Variants in ATP2C1 observed in about 807,000 individuals in gnomAD.
The protein encoded by ATP2C1 is calcium-transporting ATPase type 2C member 1.
ATP2C1 carries 31 observed loss-of-function variants against 120.5 expected under a neutral mutation model. The ratio of observed to expected loss-of-function variants is 0.26; its 90% CI spans 0.19 to 0.35. The LOEUF (loss-of-function observed/expected upper bound fraction) is 0.35. ATP2C1 is among the 10% of genes least tolerant of loss of function. The pLI, the probability that ATP2C1 is intolerant of heterozygous loss-of-function variation, is 1.00. For synonymous variants in ATP2C1, 351 were observed against 358.7 expected (o/e 0.98, Z 0.24); for missense variants, 731 against 1,107.5 (o/e 0.66, Z 4.83).
At chr3:130,995,798 A>T (rs2062590341) in intron 22 of ATP2C1, among the ~76,000 whole-genome samples, 1 of 151,788 alleles carries the variant, frequency 6.6e-6, no homozygotes, top group African/African-American at 2.4e-5. Flanking sequence ...GCGCCACCAC[A>T]CCCGGCTAAT....
intron 26 of ATP2C1, among the ~76,000 whole-genome samples, chr3:130,999,246 A>C (rs1026138904): frequency 1.1e-4 from 17 of 152,198 alleles, no homozygotes; most frequent in African/African-American, 3.1e-4. Flanking sequence ...GGATGTTAAA[A>C]GGTTTCTTTT....
At chr3:130,885,366 TCTTA>T (rs2068939135) in intron 1 of ATP2C1, among the ~76,000 whole-genome samples, 1 of 152,196 alleles carries the variant, frequency 6.6e-6, no homozygotes, top group African/African-American at 2.4e-5. Context: ...AGAGACTTTC[TCTTA>T]CTATTTTGTT....
rs759915831 is a variant in ATP2C1, at chr3:130,999,498, ACT to A, written c.2488-15_2488-14del. On this transcript the variant is annotated intron_variant, in intron 26 of 27. Coordinates refer to ENST00000510168, the MANE Select transcript of ATP2C1 (RefSeq NM_001378687.1). Reference sequence around the variant, plus strand: ...TCTGTGACCAAGGAGTAATAAATGAACTCTCTGCTCTGCCAACAGACCAAGTC... The same window carrying A: ...TCTGTGACCAAGGAGTAATAAATGAACTCTGCTCTGCCAACAGACCAAGTC... 2.8e-4 allele frequency: 448 copies of A among 1,612,882 alleles called. 4 individuals are homozygous for A. In the Middle Eastern group the frequency reaches 3.0e-3, roughly 11 times the overall value.
At chr3:130,909,871 T>C (rs1404626818) in intron 2 of ATP2C1, among the ~76,000 whole-genome samples, 1 of 151,612 alleles carries the variant, frequency 6.6e-6, no homozygotes, top group East Asian at 1.9e-4. Context: ...TTTATATTTA[T>C]ATTTATTTAT....
upstream of ATP2C1, chr3:130,894,032 C>G: frequency 1.0e-6 from 1 of 986,550 alleles, no homozygotes; most frequent in Non-Finnish European, 1.2e-6. The surrounding 1 kb of genome is among the most constrained non-coding windows in gnomAD (Gnocchi z 4.5). Context: ...CGGGGCGCGA[C>G]TGGGCGGCCG....
chr3:130,995,053 T>C (rs2062541571), intron 22 of ATP2C1, among the ~76,000 whole-genome samples: 1 of 152,166 alleles, frequency 6.6e-6, no homozygotes, highest in Admixed American at 6.5e-5. Flanking sequence ...ATTCCTGACA[T>C]GCATTAGTTT....
At chr3:130,865,787 C>T (rs972528541) in intron 1 of ATP2C1, among the ~76,000 whole-genome samples, 4 of 152,198 alleles carry the variant, frequency 2.6e-5, no homozygotes, top group African/African-American at 9.6e-5. Context: ...AACTGTAAGT[C>T]CAATTAAACC....
At chr3:130,855,502 G>C (rs554703693) in intron 1 of ATP2C1, among the ~76,000 whole-genome samples, 6 of 152,232 alleles carry the variant, frequency 3.9e-5, no homozygotes, top group African/African-American at 1.4e-4. Flanking sequence ...TTGAGATCTA[G>C]GGGAAATCAT....
intron 6 of ATP2C1, 130 bp from the exon 7 acceptor site, chr3:130,940,500 G>C (rs1400238319): frequency 1.4e-6 from 1 of 690,394 alleles, no homozygotes; most frequent in Non-Finnish European, 2.6e-6. Context: ...TTCTGGGTAA[G>C]AATATAAGCA....
Position 131,002,909 on chromosome 3 carries a change from C to T in ATP2C1, c.*1559C>T. 1 of 985,750 alleles carries T rather than the reference C, an allele frequency of 1.0e-6. No homozygotes were observed. Among genetic ancestry groups the T allele is most frequent in the Non-Finnish European group, 1.2e-6 (1 of 829,892 alleles). The allele number at this position is 985,750 out of a possible 1,614,324, so 61.1% of individuals were successfully genotyped here. ...CTGAATTGTCAAATGTACATTGTTCCATGTCGTTAGATGGAACATGGAAGC... is the reference window on the plus strand; with the variant it reads ...CTGAATTGTCAAATGTACATTGTTCTATGTCGTTAGATGGAACATGGAAGC... On this transcript the variant is annotated 3_prime_UTR_variant, in exon 28 of 28. Coordinates refer to ENST00000510168, the MANE Select transcript of ATP2C1 (RefSeq NM_001378687.1).
At chr3:130,966,312 AG>A (rs2061045771) in intron 14 of ATP2C1, among the ~76,000 whole-genome samples, 1 of 152,194 alleles carries the variant, frequency 6.6e-6, no homozygotes, top group Non-Finnish European at 1.5e-5. Flanking sequence ...TATATGATCC[AG>A]GTATGGAAGG....
chr3:130,884,881 C>G (rs1025399492), intron 1 of ATP2C1, among the ~76,000 whole-genome samples: 1 of 150,052 alleles, frequency 6.7e-6, no homozygotes, highest in African/African-American at 2.5e-5. Flanking sequence ...TATTTTCAGC[C>G]TATGTGTATC....
At chr3:130,988,126 A>G (rs2062113104) in intron 20 of ATP2C1, among the ~76,000 whole-genome samples, 1 of 152,192 alleles carries the variant, frequency 6.6e-6, no homozygotes. Context: ...GTAAACCTTT[A>G]TTTCAATCAC....
chr3:130,953,401 C>CT (rs2060452685), intron 8 of ATP2C1, among the ~76,000 whole-genome samples: 1 of 151,966 alleles, frequency 6.6e-6, no homozygotes. Context: ...CATTTTTCCC[C>CT]TTTATTCATT....
intron 2 of ATP2C1, among the ~76,000 whole-genome samples, chr3:130,923,394 T>C (rs1362110711): frequency 6.6e-6 from 1 of 151,854 alleles, no homozygotes. Context: ...GCCTGGCTAA[T>C]TTTTTGTATT....
At position 130,975,398 on chromosome 3, in the gene ATP2C1, C is replaced by G; in HGVS notation, c.1480C>G (p.Gln494Glu). Residue 494 changes from glutamine to glutamate, a missense_variant, in exon 18 of 28, where the codon CAG (glutamine) becomes GAG (glutamate). By Grantham distance (29) the Gln-to-Glu change is conservative. Transcript: ENST00000510168. ...AGTAATTAAGTACTGTACTACATAC[C>G]AGAGCAAAGGGCAGACCTTGACACT... ...EQVIKYCTTY[Q>E]SKGQTLTLTQ... 1 of 1,613,774 alleles carries G rather than the reference C, an allele frequency of 6.2e-7. No homozygotes were observed. The highest frequency in any genetic ancestry group is 8.5e-7 in the Non-Finnish European group (1 of 1,179,796).
At chr3:130,857,030 A>G (rs1340046829) in intron 1 of ATP2C1, among the ~76,000 whole-genome samples, 1 of 152,212 alleles carries the variant, frequency 6.6e-6, no homozygotes, top group Non-Finnish European at 1.5e-5. Flanking sequence ...AGGAATTTGT[A>G]TAATTATATA....
chr3:130,929,504 A>G (rs1691207350), intron 2 of ATP2C1, among the ~76,000 whole-genome samples: 1 of 152,212 alleles, frequency 6.6e-6, no homozygotes, highest in South Asian at 2.1e-4. Flanking sequence ...CTTACCTGAC[A>G]GCTTAAAAAC....
At chr3:130,949,689 C>G (rs956017213) in intron 8 of ATP2C1, among the ~76,000 whole-genome samples, 1 of 152,092 alleles carries the variant, frequency 6.6e-6, no homozygotes, top group African/African-American at 2.4e-5. Context: ...GCATCTACCA[C>G]GGGATAAAAT....
Sources: allele counts gnomAD v4.1 joint callset (sites outside exome capture counted in the v4.1 genomes callset), GRCh38; gene constraint gnomAD v4.1.1; non-coding constraint Gnocchi (gnomAD v3.1); transcripts MANE v1.5; gene names NCBI Gene and HGNC (gene_info 2026-07-23, HGNC 2026-07-21).